Variants in SLC28A3 observed in about 807,000 individuals in gnomAD.
SLC28A3 encodes the protein solute carrier family 28 member 3, also known as concentrative Na(+)-nucleoside cotransporter 3.
A neutral mutation model predicts 84.2 loss-of-function variants in SLC28A3; 68 were observed. The observed-to-expected ratio is 0.81, with a 90% CI of 0.66 to 0.99. The LOEUF is 0.99. SLC28A3 is among the 50% of genes least tolerant of loss of function. SLC28A3 has a pLI of 0.00. For missense variants in SLC28A3, 712 were observed against 841.5 expected (o/e 0.85, Z 1.90); for synonymous variants, 267 against 303.6 (o/e 0.88, Z 1.25).
intron 1 of SLC28A3, among the ~76,000 whole-genome samples, chr9:84,314,264 A>G (rs1826091877): frequency 6.6e-6 from 1 of 152,042 alleles, no homozygotes; most frequent in Admixed American, 6.6e-5. Flanking sequence ...ACTGAACGAG[A>G]TTTGCTCTTA....
intron 9 of SLC28A3, among the ~76,000 whole-genome samples, chr9:84,293,930 TC>T (rs1825324642): frequency 6.6e-6 from 1 of 152,128 alleles, no homozygotes; most frequent in Admixed American, 6.5e-5. Flanking sequence ...CCTCAATTCC[TC>T]CGCTAAAGAA....
chr9:84,289,454 C>CA (rs1278280742), intron 11 of SLC28A3, among the ~76,000 whole-genome samples: 1 of 152,236 alleles, frequency 6.6e-6, no homozygotes, highest in East Asian at 1.9e-4. Context: ...CCTTATACTA[C>CA]AGACTGCCAA....
At chr9:84,352,908 A>C in the SLC28A3 span, among the ~76,000 whole-genome samples, 3 of 151,300 alleles carry the variant, frequency 2.0e-5, no homozygotes, top group Non-Finnish European at 4.4e-5. Flanking sequence ...AAAAAAAAAA[A>C]AAAAAAACCT....
chr9:84,351,500 A>T, the SLC28A3 span, among the ~76,000 whole-genome samples: 1 of 152,090 alleles, frequency 6.6e-6, no homozygotes, highest in Non-Finnish European at 1.5e-5. Flanking sequence ...ATCTTAAAAA[A>T]TGGAAAAAAT....
intron 12 of SLC28A3, among the ~76,000 whole-genome samples, chr9:84,286,401 T>G (rs1236289478): frequency 6.7e-6 from 1 of 149,760 alleles, no homozygotes; most frequent in African/African-American, 2.5e-5. Flanking sequence ...CAAGTGATCC[T>G]CCTTCCTCAG....
intron 2 of SLC28A3, among the ~76,000 whole-genome samples, chr9:84,313,035 C>T (rs1308568368): frequency 1.3e-5 from 2 of 152,174 alleles, no homozygotes; most frequent in Admixed American, 1.3e-4. Context: ...GTAGAGGGTT[C>T]CTCTTGTTTC....
intron 7 of SLC28A3, 84 bp from the exon 8 acceptor site, chr9:84,297,382 G>A: frequency 9.2e-7 from 1 of 1,090,022 alleles, no homozygotes; most frequent in Non-Finnish European, 1.3e-6. Flanking sequence ...GGCTCTCAGA[G>A]GACGGACCCA....
chr9:84,367,914 G>C, the SLC28A3 span, among the ~76,000 whole-genome samples: 1 of 152,162 alleles, frequency 6.6e-6, no homozygotes, highest in Non-Finnish European at 1.5e-5. Context: ...GCTTCACACG[G>C]AGACATTCCA....
At chr9:84,319,814 T>G (rs1441598542) in intron 1 of SLC28A3, among the ~76,000 whole-genome samples, 1 of 152,052 alleles carries the variant, frequency 6.6e-6, no homozygotes, top group South Asian at 2.1e-4. Flanking sequence ...AGAGAAGCTG[T>G]TCTGAGAGCA....
At chr9:84,304,884 T>C (rs1825740208) in intron 4 of SLC28A3, among the ~76,000 whole-genome samples, 1 of 152,052 alleles carries the variant, frequency 6.6e-6, no homozygotes, top group Admixed American at 6.6e-5. Flanking sequence ...TAGCCGGGTG[T>C]GGTGACGTGT....
chr9:84,349,533 G>A, the SLC28A3 span, among the ~76,000 whole-genome samples: 10 of 152,282 alleles, frequency 6.6e-5, no homozygotes, highest in South Asian at 2.1e-4. Flanking sequence ...CACCACGTCC[G>A]GCTTACTTGT....
chr9:84,358,921 G>A, the SLC28A3 span, among the ~76,000 whole-genome samples: 1 of 152,266 alleles, frequency 6.6e-6, no homozygotes, highest in East Asian at 1.9e-4. Context: ...TCCCACCTCA[G>A]CCTCCCAAGT....
intron 1 of SLC28A3, among the ~76,000 whole-genome samples, chr9:84,337,452 G>A (rs1827019522): frequency 6.6e-6 from 1 of 152,058 alleles, no homozygotes; most frequent in African/African-American, 2.4e-5. Flanking sequence ...GCGCGCGCGT[G>A]TGTGTATGCG....
chr9:84,316,963 TG>T (rs1456146154), intron 1 of SLC28A3, among the ~76,000 whole-genome samples: 1 of 151,948 alleles, frequency 6.6e-6, no homozygotes, highest in Non-Finnish European at 1.5e-5. Context: ...ATCGTACCAG[TG>T]CACTCCAGCC....
chr9:84,357,439 C>T, the SLC28A3 span, among the ~76,000 whole-genome samples: 1 of 151,846 alleles, frequency 6.6e-6, no homozygotes, highest in Non-Finnish European at 1.5e-5. Context: ...AGGGTTTTTC[C>T]TATAACTCTT....
At position 84,309,812 on chromosome 9, in the gene SLC28A3, T is replaced by C. The variant is rs557879305; in HGVS notation, c.157-98A>G. 12 of 892,100 alleles carry C rather than the reference T, an allele frequency of 1.3e-5. No homozygotes were observed. The Admixed American group carries it at 1.4e-4, about 10-fold the overall frequency. The allele number at this position is 892,100 out of a possible 1,614,324, so 55.3% of individuals were successfully genotyped here. On this transcript the variant is annotated intron_variant, in intron 2 of 17. Coordinates refer to ENST00000376238, the MANE Select transcript of SLC28A3 (RefSeq NM_001199633.2). ...CAGAACTCGGGCAAAGAACTTTCAA[T>C]AGGTCCTTTTAAATTATTATGCAAG...
At chr9:84,299,499 TTC>T in intron 6 of SLC28A3, 80 bp downstream of exon 6, 1 of 1,553,870 alleles carries the variant, frequency 6.4e-7, no homozygotes, top group Non-Finnish European at 8.8e-7. Context: ...AATAGTTAAA[TTC>T]TCTCACAATC....
At chr9:84,364,743 A>T in the SLC28A3 span, among the ~76,000 whole-genome samples, 2 of 152,024 alleles carry the variant, frequency 1.3e-5, no homozygotes, top group Admixed American at 1.3e-4. Context: ...CAATTTTTAG[A>T]TTCCACAAAT....
intron 12 of SLC28A3, among the ~76,000 whole-genome samples, chr9:84,287,386 GT>G (rs35792928): frequency 1.0e-4 from 15 of 150,360 alleles, no homozygotes; most frequent in African/African-American, 2.7e-4. Flanking sequence ...TTTCCACTCT[GT>G]TTTTTTTTCT....
Sources: gnomAD v4.1 joint callset for allele counts (sites outside exome capture counted in the v4.1 genomes callset) on GRCh38, gnomAD v4.1.1 for gene constraint, MANE v1.5 for transcripts, NCBI Gene and HGNC (gene_info 2026-07-23, HGNC 2026-07-21) for gene names.